TBCE: variants seen among roughly 807,000 people sequenced by gnomAD.
The protein encoded by TBCE is tubulin folding cofactor E.
TBCE carries 53 observed loss-of-function variants against 77.0 expected under a neutral mutation model. The ratio of observed to expected loss-of-function variants is 0.69; its 90% CI spans 0.55 to 0.87. The LOEUF is 0.87. Ranked by LOEUF, TBCE falls within the 40% of genes least tolerant of loss-of-function variation. The probability of loss-of-function intolerance (pLI) is 0.00; values close to 1 mark genes in which losing one functional copy is unlikely to be tolerated. For synonymous variants in TBCE, 235 were observed against 241.3 expected (o/e 0.97, Z 0.24); for missense variants, 624 against 622.4 (o/e 1.00, Z -0.03).
At chr1:235,387,467 C>T (rs548999466) in intron 2 of TBCE, among the ~76,000 whole-genome samples, 48 of 152,336 alleles carry the variant, frequency 3.2e-4, no homozygotes, top group African/African-American at 8.7e-4. Flanking sequence ...TCGAGCTTCC[C>T]GGCTGCTTTG....
At chr1:235,375,976 C>T (rs1050969187) in intron 1 of TBCE, among the ~76,000 whole-genome samples, 3 of 151,978 alleles carry the variant, frequency 2.0e-5, no homozygotes, top group Admixed American at 6.6e-5. Context: ...TGAACCCGGG[C>T]GGTGGAGGTT....
intron 3 of TBCE, among the ~76,000 whole-genome samples, chr1:235,410,753 G>A (rs1178641681): frequency 2.6e-5 from 4 of 152,148 alleles, no homozygotes; most frequent in Admixed American, 2.6e-4. Context: ...GCTGCAGAGG[G>A]ATGAAGATCC....
chr1:235,420,212 C>T (rs1466616040), intron 5 of TBCE, among the ~76,000 whole-genome samples: 1 of 152,220 alleles, frequency 6.6e-6, no homozygotes, highest in Non-Finnish European at 1.5e-5. Flanking sequence ...AGAAAGCCAT[C>T]CAGTACAGAT....
chr1:235,373,444 A>G (rs1677096995), intron 1 of TBCE, among the ~76,000 whole-genome samples: 1 of 151,696 alleles, frequency 6.6e-6, no homozygotes, highest in Admixed American at 6.6e-5. Context: ...TGTAACGTCT[A>G]CATTTTTTTT....
At chr1:235,380,686 T>A (rs966626472) in intron 2 of TBCE, among the ~76,000 whole-genome samples, 2 of 152,166 alleles carry the variant, frequency 1.3e-5, no homozygotes, top group East Asian at 3.8e-4. Context: ...ATATATAGTT[T>A]GTTTAATTGT....
Position 235,452,376 on chromosome 1 carries a change from T to C in TBCE, c.*3614T>C, listed in dbSNP as rs1682959513. On this transcript the variant is annotated 3_prime_UTR_variant, in exon 17 of 17. Coordinates refer to ENST00000642610, the MANE Select transcript of TBCE (RefSeq NM_003193.5). ...TGATTTATAACCTTTTGCTTTAAAC[T>C]CAGAAAAATACTGTATGAGAAATAA... The C allele has an allele frequency of 6.6e-6, 1 of 152,146 alleles. No homozygotes were observed. The highest frequency in any genetic ancestry group is 2.4e-5 in the African/African-American group (1 of 41,444). 9.4% of individuals were successfully genotyped at this position (152,146 alleles called of 1,614,324 possible). A position where few individuals can be genotyped will look rare whatever the true frequency, so the allele number is the denominator to read the frequency against.
intron 2 of TBCE, among the ~76,000 whole-genome samples, chr1:235,386,374 G>GATA: frequency 6.6e-6 from 1 of 152,240 alleles, no homozygotes; most frequent in African/African-American, 2.4e-5. Flanking sequence ...AGTTCTCCTG[G>GATA]ATAATATCCT....
intron 2 of TBCE, among the ~76,000 whole-genome samples, chr1:235,395,699 C>G (rs926693223): frequency 1.3e-5 from 2 of 151,860 alleles, no homozygotes; most frequent in Non-Finnish European, 2.9e-5. Flanking sequence ...TGTGCACCAC[C>G]ACACCTGGCT....
At chr1:235,432,491 G>A (rs1681163358) in intron 7 of TBCE, among the ~76,000 whole-genome samples, 1 of 151,170 alleles carries the variant, frequency 6.6e-6, no homozygotes, top group Non-Finnish European at 1.5e-5. Context: ...AGACAAGAAG[G>A]GGCCAGACAC....
At chr1:235,423,816 C>T (rs1014672687) in intron 5 of TBCE, 6 of 152,320 alleles carry the variant, frequency 3.9e-5, no homozygotes, top group African/African-American at 1.4e-4. Context: ...CAACTGTTTA[C>T]GAGGGTAGAC....
At chr1:235,425,978 C>A (rs188029021) in intron 5 of TBCE, among the ~76,000 whole-genome samples, 3 of 152,298 alleles carry the variant, frequency 2.0e-5, no homozygotes, top group African/African-American at 7.2e-5. Flanking sequence ...TGTTGAGGCC[C>A]CTGTGTCGTG....
At chr1:235,408,313 C>G (rs1252155699) in intron 3 of TBCE, among the ~76,000 whole-genome samples, 1 of 152,006 alleles carries the variant, frequency 6.6e-6, no homozygotes, top group Non-Finnish European at 1.5e-5. Context: ...AAAAGAAAGC[C>G]CTTGATTTAT....
intron 2 of TBCE, among the ~76,000 whole-genome samples, chr1:235,391,954 A>G (rs1678415025): frequency 6.6e-6 from 1 of 151,838 alleles, no homozygotes; most frequent in Non-Finnish European, 1.5e-5. Context: ...ACGGAGTAGC[A>G]TTTCATTCCT....
Position 235,449,072 on chromosome 1 carries a change from C to A in TBCE, c.*310C>A. 3.0e-6 allele frequency: 1 copy of A among 332,078 alleles called. No individual in the cohort carries two copies. The highest frequency in any genetic ancestry group is 2.6e-5 in the South Asian group (1 of 38,320). 20.6% of individuals were successfully genotyped at this position (332,078 alleles called of 1,614,324 possible). ...AAGAAACTAGCTAGCCTAATAAAAT[C>A]TGAACACAGTTAATATCTGTCATAA... On this transcript the variant is annotated 3_prime_UTR_variant, in exon 17 of 17. Transcript: ENST00000642610.
At chr1:235,448,596 G>A in intron 16 of TBCE, 74 bp from the exon 17 acceptor site, 1 of 1,415,032 alleles carries the variant, frequency 7.1e-7, no homozygotes, top group Non-Finnish European at 1.0e-6. Context: ...GACGGGGTGG[G>A]GGAAGAGTAT....
chr1:235,448,249 C>G, intron 15 of TBCE, 100 bp from the exon 16 acceptor site: 1 of 712,104 alleles, frequency 1.4e-6, no homozygotes, highest in Non-Finnish European at 2.5e-6. Flanking sequence ...AAGACAGATA[C>G]AGCTATCATT....
chr1:235,392,209 G>A (rs1232783795), intron 2 of TBCE, among the ~76,000 whole-genome samples: 1 of 151,676 alleles, frequency 6.6e-6, no homozygotes, highest in Admixed American at 6.6e-5. Context: ...AATAAAATCA[G>A]CCAGGCATGG....
intron 1 of TBCE, among the ~76,000 whole-genome samples, chr1:235,378,572 C>T (rs143123471): frequency 6.6e-4 from 100 of 152,052 alleles, no homozygotes; most frequent in African/African-American, 2.0e-3. Context: ...TTAGGCCGGC[C>T]GCGGTGGCTG....
chr1:235,388,388 A>T (rs952945586), intron 2 of TBCE, among the ~76,000 whole-genome samples: 2 of 148,882 alleles, frequency 1.3e-5, no homozygotes, highest in Non-Finnish European at 3.0e-5. Flanking sequence ...TCCCAGGTTC[A>T]AGTGATTCTC....
Sources: gnomAD v4.1 joint callset for allele counts (sites outside exome capture counted in the v4.1 genomes callset) on GRCh38, gnomAD v4.1.1 for gene constraint, MANE v1.5 for transcripts, NCBI Gene and HGNC (gene_info 2026-07-23, HGNC 2026-07-21) for gene names.